Variants in FAM53B observed in about 807,000 individuals in gnomAD.
FAM53B encodes protein FAM53B.
Under a neutral mutation model 32.7 loss-of-function variants are expected in FAM53B, and 12 were observed. The observed-to-expected ratio is 0.37, with a 90% CI of 0.24 to 0.59. The LOEUF (loss-of-function observed/expected upper bound fraction) is 0.59, where lower values mean the gene tolerates loss of function less well. FAM53B is among the 20% of genes least tolerant of loss of function. FAM53B has a pLI of 0.72. For missense variants in FAM53B, 477 were observed against 577.7 expected (o/e 0.83, Z 1.79); for synonymous variants, 234 against 228.7 (o/e 1.02, Z -0.21).
intron 1 of FAM53B, among the ~76,000 whole-genome samples, chr10:124,711,384 A>G (rs1052026611): frequency 6.6e-6 from 1 of 152,080 alleles, no homozygotes; most frequent in Non-Finnish European, 1.5e-5. Flanking sequence ...GGAGACAGAC[A>G]TGTTCTGTGT....
intron 4 of FAM53B, among the ~76,000 whole-genome samples, chr10:124,641,478 C>T (rs1292436283): frequency 6.6e-6 from 1 of 152,236 alleles, no homozygotes; most frequent in East Asian, 1.9e-4. Flanking sequence ...AGAGAAAGCA[C>T]AGAACCCACT....
rs1471427146 is a variant in FAM53B at position 124,620,054 on chromosome 10, T to G, written c.*3188A>C. On this transcript the variant is annotated 3_prime_UTR_variant, in exon 5 of 5. Transcript: ENST00000337318. ...AGGGTTTGTTTTGTTTTCTTTTTAA[T>G]GTGGACTTCCCCTTTATTTAAATTT... 6.6e-6 allele frequency: 1 copy of G among 152,488 alleles called. No homozygotes were observed. Among genetic ancestry groups the G allele is most frequent in the Non-Finnish European group, 1.5e-5 (1 of 68,052 alleles). The allele number at this position is 152,488 out of a possible 1,614,324, so 9.4% of individuals were successfully genotyped here.
In FAM53B at chr10:124,623,241, C is replaced by G. The variant is rs1162557152; in HGVS notation, c.*1G>C. On this transcript the variant is annotated 3_prime_UTR_variant, in exon 5 of 5. Transcript: ENST00000337318. ...CCAGCCCTGCCTGGGCCCACACCCC[C>G]TCAGTTCTTCTCTATCTGCTCAATG... is the stretch of plus-strand genomic sequence containing the variant. The G allele has an allele frequency of 3.1e-6, 5 of 1,590,208 alleles. No individual in the cohort carries two copies. Among genetic ancestry groups the G allele is most frequent in the Non-Finnish European group, 4.3e-6 (5 of 1,167,124 alleles).
chr10:124,743,142 G>A (rs34884690), intron 1 of FAM53B, among the ~76,000 whole-genome samples: 68,280 of 141,472 alleles, frequency 0.48, 18,664 homozygotes, highest in South Asian at 0.64. Flanking sequence ...CTGGGGGCTG[G>A]GGGACAAGGT....
chr10:124,625,177 G>T lies in FAM53B; in HGVS notation c.907-1573C>A, dbSNP rs79263188. Among the ~76,000 whole-genome samples the T allele has an allele frequency of 3.3e-5, 5 of 152,350 alleles. No individual in the cohort carries two copies. In the East Asian group the frequency reaches 9.7e-4, roughly 29 times the overall value. On this transcript the variant is annotated intron_variant, in intron 4 of 4. Transcript: ENST00000337318. ...AACAAGCTGTTGAACCAGCCTCAGC[G>T]GATGGGAAATAAAAGGCGCTCTCTC...
At chr10:124,686,630 C>T (rs1442179846) in intron 3 of FAM53B, among the ~76,000 whole-genome samples, 2 of 152,232 alleles carry the variant, frequency 1.3e-5, no homozygotes, top group African/African-American at 2.4e-5. Flanking sequence ...GATCTGCGTA[C>T]ACATCTACTT....
At chr10:124,700,448 C>G (rs1460665878) in intron 2 of FAM53B, among the ~76,000 whole-genome samples, 1 of 152,186 alleles carries the variant, frequency 6.6e-6, no homozygotes, top group Non-Finnish European at 1.5e-5. Context: ...CACCCGAGCC[C>G]TAGCTGAGGT....
intron 4 of FAM53B, among the ~76,000 whole-genome samples, chr10:124,630,630 A>G (rs1287601723): frequency 6.6e-6 from 1 of 152,216 alleles, no homozygotes; most frequent in African/African-American, 2.4e-5. Context: ...AAGGTACTCC[A>G]GGGCCCTGGA....
At chr10:124,656,412 G>T (rs1053933513) in intron 4 of FAM53B, among the ~76,000 whole-genome samples, 1 of 152,228 alleles carries the variant, frequency 6.6e-6, no homozygotes, top group Admixed American at 6.5e-5. Context: ...TGGGTACAAT[G>T]CCACAGTGAA....
chr10:124,637,843 C>A, intron 4 of FAM53B, among the ~76,000 whole-genome samples: 1 of 152,180 alleles, frequency 6.6e-6, no homozygotes, highest in East Asian at 1.9e-4. Flanking sequence ...ATTGCATAGC[C>A]CAGCTGAAAT....
At chr10:124,679,949 A>G (rs1949759366) in intron 4 of FAM53B, among the ~76,000 whole-genome samples, 1 of 152,262 alleles carries the variant, frequency 6.6e-6, no homozygotes. Context: ...CTGATTAGGT[A>G]ATAAAATATG....
At chr10:124,673,413 C>T (rs938604149) in intron 4 of FAM53B, among the ~76,000 whole-genome samples, 3 of 152,186 alleles carry the variant, frequency 2.0e-5, no homozygotes, top group South Asian at 2.1e-4. Context: ...GAACTTGCCT[C>T]GGAAACGTTC....
At chr10:124,674,202 G>A (rs1949724060) in intron 4 of FAM53B, among the ~76,000 whole-genome samples, 1 of 152,222 alleles carries the variant, frequency 6.6e-6, no homozygotes, top group African/African-American at 2.4e-5. Flanking sequence ...CAGGGATGCG[G>A]CAGAGCACCT....
chr10:124,629,652 A>T (rs1949378480), intron 4 of FAM53B, among the ~76,000 whole-genome samples: 1 of 152,242 alleles, frequency 6.6e-6, no homozygotes, highest in Non-Finnish European at 1.5e-5. Context: ...AGAAAACACC[A>T]GGCTATGAGA....
chr10:124,652,855 T>TCC (rs1589738660), intron 4 of FAM53B, among the ~76,000 whole-genome samples: 1 of 151,990 alleles, frequency 6.6e-6, no homozygotes, highest in East Asian at 1.9e-4. Flanking sequence ...CTCAGGCTAG[T>TCC]CCCCAGGGCA....
chr10:124,623,467 C>T lies in FAM53B; in HGVS notation c.1044G>A (p.Arg348=), dbSNP rs1949325313. 6.3e-7 allele frequency: 1 copy of T among 1,586,994 alleles called. No homozygotes were observed. Among genetic ancestry groups the T allele is most frequent in the Admixed American group, 1.8e-5 (1 of 55,372 alleles). Residue 348 remains arginine (R), a synonymous_variant, in exon 5 of 5, where the codon AGG becomes AGA. Transcript: ENST00000337318. ...ALLSASGPGG[R]TPAGTPVPEP... ...CAGGGACCGGGGTCCCAGCGGGGGT[C>T]CTGCCCCCTGGGCCGGAGGCTGAGA...
At chr10:124,742,986 G>A (rs1950208197) in intron 1 of FAM53B, 1 of 152,218 alleles carries the variant, frequency 6.6e-6, no homozygotes, top group African/African-American at 2.4e-5. Context: ...AATGAGCCCG[G>A]GCGGTCAGAT....
intron 3 of FAM53B, among the ~76,000 whole-genome samples, chr10:124,687,912 AGGAGGGTTGACAATTCT>A (rs1321298455): frequency 6.6e-6 from 1 of 152,212 alleles, no homozygotes. Context: ...CAGAAGCTTC[AGGAGGGTTGACAATTCT>A]GGTCTCTACA....
At chr10:124,706,516 G>A (rs1340720044) in intron 2 of FAM53B, 120 bp downstream of exon 2, 14 of 1,291,476 alleles carry the variant, frequency 1.1e-5, no homozygotes, top group African/African-American at 1.5e-5. Flanking sequence ...GCCTCACAGA[G>A]CTTTGCTCTT....
Sources: gnomAD v4.1 joint callset for allele counts (sites outside exome capture counted in the v4.1 genomes callset) on GRCh38, gnomAD v4.1.1 for gene constraint, MANE v1.5 for transcripts, NCBI Gene and HGNC (gene_info 2026-07-23, HGNC 2026-07-21) for gene names.